The following EPN1 variants were observed in gnomAD, a reference collection of about 807,000 sequenced individuals.
The protein encoded by EPN1 is epsin 1.
EPN1 carries 25 observed loss-of-function variants against 56.9 expected under a neutral mutation model. The observed-to-expected ratio is 0.44, with a 90% CI of 0.32 to 0.61. The LOEUF is 0.61. Ranked by LOEUF, EPN1 falls within the 20% of genes least tolerant of loss-of-function variation. EPN1 has a pLI of 0.05. For synonymous variants in EPN1, 411 were observed against 361.8 expected, an observed-to-expected ratio of 1.14 and a Z score of -1.54; for missense variants, 785 against 823.7, an observed-to-expected ratio of 0.95 and a Z score of 0.58.
Position 55,678,797 on chromosome 19 carries a change from T to G in EPN1, c.170T>G (p.Met57Arg). 6.2e-7 allele frequency: 1 copy of G among 1,614,130 alleles called. No homozygotes were observed. Among genetic ancestry groups the G allele is most frequent in the Non-Finnish European group, 8.5e-7 (1 of 1,180,010 alleles). Residue 57 changes from methionine (M) to arginine (R), a missense_variant, in exon 2 of 11, where the codon ATG (methionine) becomes AGG (arginine). Met to Arg is a moderately conservative substitution (Grantham distance 91). This residue lies in a region of EPN1 where 135 missense variants were observed against 218.7 expected (regional missense o/e 0.62). Coordinates refer to ENST00000270460, the MANE Select transcript of EPN1 (RefSeq NM_001130072.2). Reference protein sequence around the residue: ...TYNVVAFSEIMSMIWKRLNDH... With the variant: ...TYNVVAFSEIRSMIWKRLNDH... ...AACGTTGTCGCCTTCTCGGAGATCA[T>G]GAGCATGATCTGGAAGCGGCTCAAT...
intron 1 of EPN1, among the ~76,000 whole-genome samples, chr19:55,676,061 GTC>G (rs372676565): frequency 4.6e-5 from 7 of 152,318 alleles, no homozygotes; most frequent in African/African-American, 1.7e-4. Flanking sequence ...CCAGGTGATA[GTC>G]TCTGTGTCAA....
At chr19:55,688,771 G>T (rs1986332940) in intron 3 of EPN1, 99 bp from the exon 4 acceptor site, 2 of 1,507,780 alleles carry the variant, frequency 1.3e-6, no homozygotes, top group Non-Finnish European at 1.8e-6. Context: ...GACTTGGGGG[G>T]TGGGGTTGGA....
intron 3 of EPN1, among the ~76,000 whole-genome samples, chr19:55,687,054 A>G (rs1338196121): frequency 1.3e-5 from 2 of 152,090 alleles, no homozygotes; most frequent in African/African-American, 4.8e-5. Flanking sequence ...ACACTCACCA[A>G]GGTCTCCGAA....
Position 55,691,717 on chromosome 19 carries a change from ACTT to A in EPN1, c.763-32_763-30del, listed in dbSNP as rs1986559326. 3 of 1,587,124 alleles carry A rather than the reference ACTT, an allele frequency of 1.9e-6. No homozygotes were observed. Among genetic ancestry groups the A allele is most frequent in the African/African-American group, 1.4e-5 (1 of 73,976 alleles). On this transcript the variant is annotated intron_variant, in intron 6 of 10. Transcript: ENST00000270460. The surrounding 1 kb of genome is among the most constrained non-coding windows in gnomAD (Gnocchi z 5.6). Reference sequence around the variant, plus strand: ...TGGTCCCTGTCCCAGGCTTCCCACCACTTCTTCATGCTCCTTCTCTTCTCTCTC... The same window carrying A: ...TGGTCCCTGTCCCAGGCTTCCCACCACTTCATGCTCCTTCTCTTCTCTCTC...
chr19:55,688,731 G>A, intron 3 of EPN1, 139 bp from the exon 4 acceptor site: 1 of 1,286,836 alleles, frequency 7.8e-7, no homozygotes, highest in Non-Finnish European at 1.1e-6. Flanking sequence ...CTCAGTCCTA[G>A]TCTTGGCCTG....
At chr19:55,690,998 C>G (rs550274195) in intron 6 of EPN1, among the ~76,000 whole-genome samples, 1 of 152,326 alleles carries the variant, frequency 6.6e-6, no homozygotes, top group South Asian at 2.1e-4. Flanking sequence ...CCTTCCCATC[C>G]CCGCCGGGGC....
At chr19:55,679,383 CA>C (rs1985654591) in intron 2 of EPN1, among the ~76,000 whole-genome samples, 1 of 152,234 alleles carries the variant, frequency 6.6e-6, no homozygotes, top group Non-Finnish European at 1.5e-5. Context: ...TGGCCAAGGA[CA>C]TGGGCTGGGG....
chr19:55,688,779 G>A, intron 3 of EPN1, 91 bp from the exon 4 acceptor site: 4 of 1,522,506 alleles, frequency 2.6e-6, no homozygotes, highest in Non-Finnish European at 3.5e-6. Context: ...GGGTGGGGTT[G>A]GACACAGAAG....
At chr19:55,692,605 C>T in intron 7 of EPN1, 81 bp from the exon 8 acceptor site, 3 of 945,482 alleles carry the variant, frequency 3.2e-6, no homozygotes, top group Non-Finnish European at 4.6e-6. Context: ...TGAACAGCCA[C>T]AGATTTGGAG....
chr19:55,676,862 T>C, intron 1 of EPN1: 1 of 240,188 alleles, frequency 4.2e-6, no homozygotes, highest in Non-Finnish European at 8.0e-6. Context: ...TTTTTCTCAT[T>C]GTGTCTCTGC....
intron 3 of EPN1, 119 bp from the exon 4 acceptor site, chr19:55,688,751 T>C: frequency 7.1e-7 from 1 of 1,416,020 alleles, no homozygotes; most frequent in South Asian, 1.3e-5. Context: ...GCAGAGGTTG[T>C]AGGGTGGGGG....
chr19:55,689,477 A>G lies in EPN1; in HGVS notation c.678+106A>G, dbSNP rs1986394142. The G allele has an allele frequency of 1.2e-6, 1 of 843,362 alleles. No homozygotes were observed. Among genetic ancestry groups the G allele is most frequent in the Non-Finnish European group, 1.9e-6 (1 of 516,538 alleles). The allele number at this position is 843,362 out of a possible 1,614,324, so 52.2% of individuals were successfully genotyped here. A position where few individuals can be genotyped will look rare whatever the true frequency, so the allele number is the denominator to read the frequency against. On this transcript the variant is annotated intron_variant, in intron 5 of 10. Transcript: ENST00000270460. The surrounding 1 kb of genome is among the most constrained non-coding windows in gnomAD (Gnocchi z 5.7). ...CACCATCCTGCTGGGCCCGAAGCCC[A>G]CAGGCTCACGCGTGTTGAAACCTCA...
rs1987587987 is a variant in EPN1 at position 55,709,097 on chromosome 19, T to C, written c.*13741T>C. The C allele has an allele frequency of 1.5e-6, 2 of 1,362,694 alleles. No individual in the cohort carries two copies. The highest frequency in any genetic ancestry group is 1.4e-5 in the South Asian group (1 of 70,430). 84.4% of individuals were successfully genotyped at this position (1,362,694 alleles called of 1,614,324 possible). Reference sequence around the variant, plus strand: ...TTTTGTTTTTCATTTTTACACAGTATTGCCTCTCTACATTCTGATGTCTAC... The same window carrying C: ...TTTTGTTTTTCATTTTTACACAGTACTGCCTCTCTACATTCTGATGTCTAC... On this transcript the variant is annotated 3_prime_UTR_variant, in exon 11 of 11. Transcript: ENST00000270460.
chr19:55,706,261 CCTTT>C lies in EPN1; in HGVS notation c.*10909_*10912del, dbSNP rs146550503. 10,691 of 145,456 alleles carry C rather than the reference CCTTT, an allele frequency of 0.073. 455 individuals are homozygous for C. Among genetic ancestry groups the C allele is most frequent in the East Asian group, 0.15 (745 of 4,980 alleles). The allele number at this position is 145,456 out of a possible 1,614,324, so 9.0% of individuals were successfully genotyped here. A position where few individuals can be genotyped will look rare whatever the true frequency, so the allele number is the denominator to read the frequency against. ...TTCTCCTTTTTCCTCCTCTTTTCTT[CCTTT>C]CTTCTCTTTTTCTTCTTCTTTTTTT... On this transcript the variant is annotated 3_prime_UTR_variant, in exon 11 of 11. Transcript: ENST00000270460.
intron 1 of EPN1, among the ~76,000 whole-genome samples, chr19:55,677,972 G>A (rs763820749): frequency 6.6e-6 from 1 of 152,240 alleles, no homozygotes; most frequent in Non-Finnish European, 1.5e-5. Flanking sequence ...CCTGTGGGTT[G>A]ACCTTAGCTA....
At position 55,708,861 on chromosome 19, in the gene EPN1, A is replaced by G. The variant is rs767197418; in HGVS notation, c.*13505A>G. On this transcript the variant is annotated 3_prime_UTR_variant, in exon 11 of 11. Transcript: ENST00000270460. ...GATAGAGGTGCCAGGTGAAGGTCCCACTGTGGCCAAGGAAAGCCTTTGTGA... is the reference window on the plus strand; with the variant it reads ...GATAGAGGTGCCAGGTGAAGGTCCCGCTGTGGCCAAGGAAAGCCTTTGTGA... The G allele has an allele frequency of 7.1e-7, 1 of 1,408,742 alleles. No homozygotes were observed. Among genetic ancestry groups the G allele is most frequent in the Admixed American group, 2.7e-5 (1 of 36,852 alleles). 87.3% of individuals were successfully genotyped at this position (1,408,742 alleles called of 1,614,324 possible).
Position 55,689,964 on chromosome 19 carries a change from G to C in EPN1, c.762+14G>C. On this transcript the variant is annotated intron_variant, in intron 6 of 10. Transcript: ENST00000270460. The surrounding 1 kb of genome is among the most constrained non-coding windows in gnomAD (Gnocchi z 5.7). Reference sequence around the variant, plus strand: ...GGCAAGGAGGAGGTGAGCGGGGCTTGTTCTGCCCTCCCTGGCCCCTGCAGG... The same window carrying C: ...GGCAAGGAGGAGGTGAGCGGGGCTTCTTCTGCCCTCCCTGGCCCCTGCAGG... The C allele has an allele frequency of 6.3e-7, 1 of 1,585,572 alleles. No homozygotes were observed. The highest frequency in any genetic ancestry group is 8.6e-7 in the Non-Finnish European group (1 of 1,166,064).
intron 1 of EPN1, chr19:55,677,674 G>T (rs766949554): frequency 1.9e-6 from 3 of 1,551,312 alleles, no homozygotes; most frequent in Non-Finnish European, 2.6e-6. Flanking sequence ...TGAGCCTTGG[G>T]CTTCCGCTAT....
chr19:55,696,605 C>CG lies in EPN1; in HGVS notation c.*1254dup. ...GGTCAGACTTCTTGCCCCTTCTGCCCGGGGGACGCTCTGGGCTCAGGGTGG... is the reference window on the plus strand; with the variant it reads ...GGTCAGACTTCTTGCCCCTTCTGCCCGGGGGGACGCTCTGGGCTCAGGGTGG... On this transcript the variant is annotated 3_prime_UTR_variant, in exon 11 of 11. Transcript: ENST00000270460. 6.6e-6 allele frequency: 1 copy of CG among 152,270 alleles called. No homozygotes were observed. The highest frequency in any genetic ancestry group is 1.5e-5 in the Non-Finnish European group (1 of 68,162). 9.4% of individuals were successfully genotyped at this position (152,270 alleles called of 1,614,324 possible). A position where few individuals can be genotyped will look rare whatever the true frequency, so the allele number is the denominator to read the frequency against.
Sources: allele counts gnomAD v4.1 joint callset (sites outside exome capture counted in the v4.1 genomes callset), GRCh38; gene constraint gnomAD v4.1.1; regional missense constraint gnomAD v4.1.1; non-coding constraint Gnocchi (gnomAD v3.1); transcripts MANE v1.5; gene names NCBI Gene and HGNC (gene_info 2026-07-23, HGNC 2026-07-21).